SYCP1: variants seen among roughly 807,000 people sequenced by gnomAD.
The protein encoded by SYCP1 is cancer/testis antigen 8.
Under a neutral mutation model 153.1 loss-of-function variants are expected in SYCP1, and 64 were observed. The ratio of observed to expected loss-of-function variants is 0.42; its 90% confidence interval spans 0.34 to 0.51. The LOEUF is 0.51. SYCP1 is among the 20% of genes least tolerant of loss of function. The probability of loss-of-function intolerance (pLI) is 0.06; values close to 1 mark genes in which losing one functional copy is unlikely to be tolerated. For missense variants in SYCP1, 997 were observed against 1,049.0 expected (o/e 0.95, Z 0.68); for synonymous variants, 384 against 341.8 (o/e 1.12, Z -1.36).
intron 28 of SYCP1, among the ~76,000 whole-genome samples, chr1:114,980,807 G>A (rs749699440): frequency 6.6e-6 from 1 of 151,800 alleles, no homozygotes; most frequent in Admixed American, 6.6e-5. Context: ...AAGTTCAGGG[G>A]TACATGTACA....
At chr1:114,955,212 T>A (rs1254743003) in intron 27 of SYCP1, among the ~76,000 whole-genome samples, 1 of 152,204 alleles carries the variant, frequency 6.6e-6, no homozygotes, top group African/African-American at 2.4e-5. Context: ...CCTTGGTTGA[T>A]TTTTTGAATG....
intron 27 of SYCP1, among the ~76,000 whole-genome samples, chr1:114,947,685 C>T (rs1670802894): frequency 1.3e-5 from 2 of 151,208 alleles, no homozygotes; most frequent in Admixed American, 6.6e-5. Context: ...CGGTGGCGGG[C>T]GCCTGTAGTC....
At chr1:114,895,239 A>C (rs1456033988) in intron 15 of SYCP1, among the ~76,000 whole-genome samples, 1 of 152,100 alleles carries the variant, frequency 6.6e-6, no homozygotes, top group Non-Finnish European at 1.5e-5. Flanking sequence ...TGGCAATGGC[A>C]TTAACTTTAG....
In SYCP1 at chr1:114,922,745, A is replaced by G. The variant is rs148520944; in HGVS notation, c.1719-704A>G. 2.4e-4 allele frequency among the ~76,000 whole-genome samples: 36 copies of G among 152,250 alleles called. No individual in the cohort carries two copies. The East Asian group carries it at 7.0e-3, about 29-fold the overall frequency. On this transcript the variant is annotated intron_variant, in intron 20 of 31. Transcript: ENST00000369522. ...ATGTACTTTTCACATTCCTAAATAC[A>G]ATCATGCCTTCCAAATAGTCCCCCA...
At chr1:114,963,947 A>T (rs1671940800) in intron 27 of SYCP1, among the ~76,000 whole-genome samples, 1 of 152,180 alleles carries the variant, frequency 6.6e-6, no homozygotes, top group African/African-American at 2.4e-5. Flanking sequence ...AGGAATCACC[A>T]CACTGTCTTC....
intron 27 of SYCP1, among the ~76,000 whole-genome samples, chr1:114,959,223 T>TGTG (rs1671629388): frequency 6.6e-6 from 1 of 152,202 alleles, no homozygotes; most frequent in South Asian, 2.1e-4. Context: ...GAGGTGATCA[T>TGTG]GTGGGTTTCT....
At chr1:114,984,690 G>C in intron 29 of SYCP1, 35 bp from the exon 30 acceptor site, 2 of 1,299,368 alleles carry the variant, frequency 1.5e-6, no homozygotes, top group Non-Finnish European at 2.0e-6. Flanking sequence ...TATTTTATTT[G>C]ATATGATAAT....
intron 17 of SYCP1, among the ~76,000 whole-genome samples, 165 bp from the exon 18 acceptor site, chr1:114,911,314 T>G (rs990665575): frequency 6.6e-6 from 1 of 152,092 alleles, no homozygotes; most frequent in African/African-American, 2.4e-5. Flanking sequence ...TTGTTCATTG[T>G]TTTAAAATTA....
At chr1:114,887,546 G>A in intron 14 of SYCP1, 80 bp from the exon 15 acceptor site, 1 of 861,286 alleles carries the variant, frequency 1.2e-6, no homozygotes, top group Admixed American at 2.6e-5. Flanking sequence ...TATATCAGTT[G>A]CTAAATTGCA....
intron 27 of SYCP1, among the ~76,000 whole-genome samples, chr1:114,965,421 T>A (rs1672053829): frequency 6.6e-6 from 1 of 152,230 alleles, no homozygotes; most frequent in Non-Finnish European, 1.5e-5. Context: ...AGAGAGGGCA[T>A]CCTTGTCTTG....
At chr1:114,988,066 A>C (rs1258799214) in intron 30 of SYCP1, among the ~76,000 whole-genome samples, 2 of 141,654 alleles carry the variant, frequency 1.4e-5, no homozygotes, top group East Asian at 4.3e-4. Flanking sequence ...GAAGTTACTG[A>C]GTCTGATAAA....
rs947977668 is a variant in SYCP1 at position 114,928,278 on chromosome 1, G to T, written c.1926+1715G>T. Among the ~76,000 whole-genome samples, 4 of 143,434 alleles carry T rather than the reference G, an allele frequency of 2.8e-5. No homozygotes were observed. In the South Asian group the frequency reaches 9.0e-4, roughly 32 times the overall value. 94.1% of individuals were successfully genotyped at this position (143,434 alleles called of 152,430 possible). A position where few individuals can be genotyped will look rare whatever the true frequency, so the allele number is the denominator to read the frequency against. Reference sequence around the variant, plus strand: ...AAAGTGCTAAAACCAAAGATAAAAAGAAACTTTTAAAGGCAGACAGAAAAA... The same window carrying T: ...AAAGTGCTAAAACCAAAGATAAAAATAAACTTTTAAAGGCAGACAGAAAAA... On this transcript the variant is annotated intron_variant, in intron 23 of 31. Transcript: ENST00000369522.
intron 30 of SYCP1, among the ~76,000 whole-genome samples, 156 bp downstream of exon 30, chr1:114,985,024 G>A (rs1176659064): frequency 1.3e-5 from 2 of 151,562 alleles, no homozygotes; most frequent in African/African-American, 4.8e-5. Context: ...TTGTGCTTTT[G>A]CAGCATTTCA....
At chr1:114,957,019 A>T (rs370118604) in intron 27 of SYCP1, among the ~76,000 whole-genome samples, 1 of 152,244 alleles carries the variant, frequency 6.6e-6, no homozygotes. Flanking sequence ...GAAATGTGTG[A>T]TCTCTCAAAG....
intron 12 of SYCP1, among the ~76,000 whole-genome samples, chr1:114,881,056 T>TATATATATATACAC (rs375436670): frequency 5.5e-5 from 8 of 144,940 alleles, no homozygotes; most frequent in African/African-American, 2.1e-4. Context: ...TTTGTGTATA[T>TATATATATATACAC]ACACACACAC....
At chr1:114,864,690 G>A (rs187882317) in intron 8 of SYCP1, among the ~76,000 whole-genome samples, 106 of 152,062 alleles carry the variant, frequency 7.0e-4, no homozygotes, top group Admixed American at 2.4e-3. Flanking sequence ...GTTTCGCCAT[G>A]TTGCCCAGGA....
intron 23 of SYCP1, among the ~76,000 whole-genome samples, chr1:114,938,137 G>C (rs1204162797): frequency 2.4e-4 from 36 of 152,002 alleles, no homozygotes; most frequent in Admixed American, 2.4e-3. Context: ...GCAAAGACTT[G>C]GAACCAACCC....
chr1:114,978,636 AG>A (rs1444969082), intron 28 of SYCP1, among the ~76,000 whole-genome samples: 1 of 151,662 alleles, frequency 6.6e-6, no homozygotes, highest in Non-Finnish European at 1.5e-5. Context: ...GTTCCCACAG[AG>A]GTTGCTCTGA....
At chr1:114,902,666 A>G (rs1169477848) in intron 16 of SYCP1, among the ~76,000 whole-genome samples, 1 of 150,466 alleles carries the variant, frequency 6.6e-6, no homozygotes, top group Non-Finnish European at 1.5e-5. Context: ...TGGCCGTCTC[A>G]TTATATATGA....
Sources: allele counts gnomAD v4.1 joint callset (sites outside exome capture counted in the v4.1 genomes callset), GRCh38; gene constraint gnomAD v4.1.1; transcripts MANE v1.5; gene names NCBI Gene and HGNC (gene_info 2026-07-23, HGNC 2026-07-21).